Variants in OSMR observed in about 807,000 individuals in gnomAD.
OSMR encodes oncostatin-M-specific receptor subunit beta.
In OSMR, 81 loss-of-function variants were observed where a neutral mutation model predicts 99.9. The observed-to-expected ratio is 0.81, with a 90% CI of 0.68 to 0.97. OSMR has a LOEUF of 0.97. OSMR is among the 50% of genes least tolerant of loss of function. The probability of loss-of-function intolerance (pLI) is 0.00; values close to 1 mark genes in which losing one functional copy is unlikely to be tolerated. For synonymous variants in OSMR, 406 were observed against 410.4 expected (o/e 0.99, Z 0.13); for missense variants, 1,099 against 1,153.4 (o/e 0.95, Z 0.68).
At position 38,883,919 on chromosome 5, in the gene OSMR, AGG is replaced by A. The variant is rs1324341484; in HGVS notation, c.512_513del (p.Arg171LysfsTer5). On this transcript the variant is annotated frameshift_variant, in exon 5 of 18. Coordinates refer to ENST00000274276, the MANE Select transcript of OSMR (RefSeq NM_003999.3). LOFTEE classifies it high-confidence loss of function. ...CAATGTTACCATTTGTTACGTTTCT[AGG>A]AACATTCAAAATAATGTATCCTGTT... is the stretch of plus-strand genomic sequence containing the variant. ...GTNVTICYVSRNIQNNVSCYL... is the reference protein window; with the variant it reads ...GTNVTICYVSXNIQNNVSCYL... The A allele has an allele frequency of 1.2e-6, 2 of 1,613,794 alleles. No homozygotes were observed. The highest frequency in any genetic ancestry group is 2.2e-5 in the South Asian group (2 of 91,066).
chr5:38,892,768 C>G (rs1341711367), intron 7 of OSMR, among the ~76,000 whole-genome samples: 1 of 152,094 alleles, frequency 6.6e-6, no homozygotes, highest in Non-Finnish European at 1.5e-5. Context: ...CTACAAGGTA[C>G]ACCTGAACTA....
chr5:38,850,437 G>A (rs1740264948), intron 1 of OSMR, among the ~76,000 whole-genome samples: 2 of 152,160 alleles, frequency 1.3e-5, no homozygotes, highest in African/African-American at 4.8e-5. Context: ...AAAAGAAAGA[G>A]GGTTGGTGAG....
chr5:38,912,563 G>GA (rs1251661970), intron 9 of OSMR, among the ~76,000 whole-genome samples: 1 of 151,770 alleles, frequency 6.6e-6, no homozygotes, highest in African/African-American at 2.4e-5. Flanking sequence ...CACAGAAATA[G>GA]AAAAAAACTA....
chr5:38,914,657 AAAT>A (rs1305396556), intron 9 of OSMR, among the ~76,000 whole-genome samples: 1 of 152,270 alleles, frequency 6.6e-6, no homozygotes, highest in African/African-American at 2.4e-5. Context: ...ACCATGGAAT[AAAT>A]AATGAAATAA....
downstream of OSMR, chr5:38,938,958 A>C: frequency 8.6e-6 from 2 of 233,056 alleles, no homozygotes; most frequent in Non-Finnish European, 1.7e-5. Flanking sequence ...AATCTGAGAC[A>C]AAAGTGGAAG....
chr5:38,886,198 T>C lies in OSMR; in HGVS notation c.991+8T>C. ...TTAACCTGACTCATCGAGGTGAGAC[T>C]AGAGTTGTCACAGCCCACCGTGGCC... On this transcript the variant is annotated splice_region_variant and intron_variant, in intron 7 of 17. Coordinates refer to ENST00000274276, the MANE Select transcript of OSMR (RefSeq NM_003999.3). The C allele has an allele frequency of 6.2e-7, 1 of 1,614,094 alleles. No homozygotes were observed. The highest frequency in any genetic ancestry group is 2.2e-5 in the East Asian group (1 of 44,892).
At chr5:38,872,920 G>A (rs1742507790) in intron 2 of OSMR, among the ~76,000 whole-genome samples, 1 of 152,220 alleles carries the variant, frequency 6.6e-6, no homozygotes, top group Admixed American at 6.5e-5. Flanking sequence ...CTCAATTTCT[G>A]TGTTATGCCA....
At position 38,886,168 on chromosome 5, in the gene OSMR, C is replaced by G; in HGVS notation, c.969C>G (p.Ile323Met). Residue 323 changes from isoleucine to methionine, a missense_variant, in exon 7 of 18, where the codon ATC (isoleucine) becomes ATG (methionine). By Grantham distance (10) the Ile-to-Met change is conservative (BLOSUM62 1). Coordinates refer to ENST00000274276, the MANE Select transcript of OSMR (RefSeq NM_003999.3). ...ENYLRKRSVN[I>M]LFNLTHRVYL... Reference sequence around the variant, plus strand: ...ACTTAAGGAAGAGAAGTGTCAATATCCTTTTTAACCTGACTCATCGAGGTG... The same window carrying G: ...ACTTAAGGAAGAGAAGTGTCAATATGCTTTTTAACCTGACTCATCGAGGTG... 1 of 1,614,064 alleles carries G rather than the reference C, an allele frequency of 6.2e-7. No homozygotes were observed.
intron 4 of OSMR, 74 bp downstream of exon 4, chr5:38,881,838 G>C: frequency 1.5e-6 from 2 of 1,348,580 alleles, no homozygotes. Flanking sequence ...TCAAATAGTG[G>C]AAATCTCCTT....
At chr5:38,905,071 A>G (rs1240672307) in intron 9 of OSMR, among the ~76,000 whole-genome samples, 1 of 152,178 alleles carries the variant, frequency 6.6e-6, no homozygotes, top group Non-Finnish European at 1.5e-5. Flanking sequence ...TGATGGCCCA[A>G]TCCTGCTTCC....
intron 1 of OSMR, among the ~76,000 whole-genome samples, chr5:38,868,622 C>T (rs1742130469): frequency 6.6e-6 from 1 of 152,154 alleles, no homozygotes; most frequent in South Asian, 2.1e-4. Flanking sequence ...GATTCTGGGG[C>T]CTCCCCAGCC....
Position 38,876,245 on chromosome 5 carries a change from TC to T in OSMR, c.120del (p.Thr41ProfsTer23). ...LPLTPVSLKV[S>X]TNSTRQSLHL... is the part of the protein sequence containing the mutation. Reference sequence around the variant, plus strand: ...ATTGACTCCTGTATCACTTAAAGTTTCCACCAATTCTACGCGTCAGAGTTTG... The same window carrying T: ...ATTGACTCCTGTATCACTTAAAGTTTCACCAATTCTACGCGTCAGAGTTTG... On this transcript the variant is annotated frameshift_variant, in exon 3 of 18. Coordinates refer to ENST00000274276, the MANE Select transcript of OSMR (RefSeq NM_003999.3). LOFTEE classifies it high-confidence loss of function. 1 of 1,613,910 alleles carries T rather than the reference TC, an allele frequency of 6.2e-7. No individual in the cohort carries two copies. Among genetic ancestry groups the T allele is most frequent in the Admixed American group, 1.7e-5 (1 of 60,012 alleles).
chr5:38,904,332 T>C (rs1409416507), intron 8 of OSMR, 21 bp from the exon 9 acceptor site: 2 of 1,611,948 alleles, frequency 1.2e-6, no homozygotes, highest in Non-Finnish European at 1.7e-6. Context: ...TTTTCTTTTC[T>C]TCTCTTTTTT....
intron 12 of OSMR, 143 bp downstream of exon 12, chr5:38,921,937 C>A: frequency 1.4e-6 from 1 of 703,112 alleles, no homozygotes; most frequent in Non-Finnish European, 2.5e-6. Flanking sequence ...GTTAGGAGTT[C>A]AGATGTTACA....
chr5:38,885,906 T>C, intron 6 of OSMR, 133 bp from the exon 7 acceptor site: 24 of 1,472,258 alleles, frequency 1.6e-5, no homozygotes, highest in Non-Finnish European at 2.2e-5. Context: ...TTGTTGGTGA[T>C]GGATGGATCA....
At chr5:38,897,407 C>A (rs1744591412) in intron 7 of OSMR, among the ~76,000 whole-genome samples, 1 of 151,958 alleles carries the variant, frequency 6.6e-6, no homozygotes, top group Admixed American at 6.6e-5. Context: ...TTTTCTATTT[C>A]TTGTAGATTT....
At chr5:38,908,594 G>A (rs949525134) in intron 9 of OSMR, among the ~76,000 whole-genome samples, 2 of 152,206 alleles carry the variant, frequency 1.3e-5, no homozygotes, top group East Asian at 1.9e-4. Context: ...GAGAACAAAG[G>A]TGGGGGCCTG....
chr5:38,928,038 C>G (rs1277368515), intron 15 of OSMR, among the ~76,000 whole-genome samples: 1 of 152,206 alleles, frequency 6.6e-6, no homozygotes, highest in African/African-American at 2.4e-5. Flanking sequence ...AGTTCCTCAT[C>G]TCCATCTGAG....
At chr5:38,869,792 T>C (rs950912514) in intron 2 of OSMR, among the ~76,000 whole-genome samples, 2 of 152,214 alleles carry the variant, frequency 1.3e-5, no homozygotes, top group Admixed American at 6.5e-5. Flanking sequence ...GAAGTAGATC[T>C]TAGACTTGAG....
Sources: gnomAD v4.1 joint callset for allele counts (sites outside exome capture counted in the v4.1 genomes callset) on GRCh38, gnomAD v4.1.1 for gene constraint, MANE v1.5 for transcripts, NCBI Gene and HGNC (gene_info 2026-07-23, HGNC 2026-07-21) for gene names.